Variants in TENM2 observed in about 807,000 individuals in gnomAD.
TENM2 encodes teneurin-2.
A neutral mutation model predicts 245.2 loss-of-function variants in TENM2; 52 were observed. The observed-to-expected ratio is 0.21, with a 90% CI of 0.17 to 0.27. The LOEUF (loss-of-function observed/expected upper bound fraction) is 0.27, where lower values mean the gene tolerates loss of function less well. TENM2 is among the 10% of genes least tolerant of loss of function. TENM2 has a pLI of 1.00. For synonymous variants in TENM2, 1,363 were observed against 1,438.9 expected, an observed-to-expected ratio of 0.95 and a Z score of 1.19; for missense variants, 3,046 against 3,666.8, an observed-to-expected ratio of 0.83 and a Z score of 4.37.
the TENM2 span, among the ~76,000 whole-genome samples, chr5:167,106,425 T>C: frequency 6.6e-6 from 1 of 152,138 alleles, no homozygotes. Context: ...GAAATACAGA[T>C]AGCATGTTGA....
chr5:167,620,549 C>CTTTTTTTTTTT (rs11455974), intron 2 of TENM2, among the ~76,000 whole-genome samples: 9 of 73,312 alleles, frequency 1.2e-4, no homozygotes, highest in African/African-American at 1.6e-4. Flanking sequence ...TGCTTTTTGG[C>CTTTTTTTTTTT]TTTTTTTTTT....
chr5:167,696,190 A>C (rs1757756222), intron 2 of TENM2, among the ~76,000 whole-genome samples: 1 of 152,202 alleles, frequency 6.6e-6, no homozygotes, highest in Admixed American at 6.5e-5. Flanking sequence ...TCTGCTGTCC[A>C]GGTTTGATTA....
At chr5:167,288,483 T>C (rs921042233) in intron 1 of TENM2, among the ~76,000 whole-genome samples, 9 of 146,828 alleles carry the variant, frequency 6.1e-5, no homozygotes, top group African/African-American at 1.5e-4. Flanking sequence ...GGCGTGAACC[T>C]GGGAGGCGGA....
the TENM2 span, among the ~76,000 whole-genome samples, chr5:167,146,239 A>G: frequency 4.8e-4 from 73 of 152,262 alleles, 1 homozygote; most frequent in South Asian, 0.015. Flanking sequence ...AAACCTTGCT[A>G]TCGTGAATGG....
chr5:167,109,014 G>A, the TENM2 span, among the ~76,000 whole-genome samples: 4 of 152,120 alleles, frequency 2.6e-5, no homozygotes, highest in Admixed American at 6.6e-5. Context: ...TTGTACAGAA[G>A]GGTTTTAAGG....
chr5:167,151,797 G>A, the TENM2 span, among the ~76,000 whole-genome samples: 5 of 152,160 alleles, frequency 3.3e-5, no homozygotes, highest in South Asian at 2.1e-4. Flanking sequence ...AACTATAGGC[G>A]TGAGCCACCG....
At chr5:167,315,126 AT>A (rs1756281845) in intron 1 of TENM2, among the ~76,000 whole-genome samples, 2 of 152,124 alleles carry the variant, frequency 1.3e-5, no homozygotes, top group African/African-American at 2.4e-5. Flanking sequence ...GTTTCTGGAA[AT>A]GAGATTACTA....
At chr5:167,326,059 G>A (rs753246724) in intron 1 of TENM2, among the ~76,000 whole-genome samples, 1 of 152,104 alleles carries the variant, frequency 6.6e-6, no homozygotes, top group Non-Finnish European at 1.5e-5. Context: ...AAGCTTGAAC[G>A]GTGGCCAGGA....
At chr5:168,140,859 G>T (rs1370074311) in intron 12 of TENM2, among the ~76,000 whole-genome samples, 1 of 152,106 alleles carries the variant, frequency 6.6e-6, no homozygotes, top group East Asian at 1.9e-4. Context: ...GCTACTGCAG[G>T]TTCATAGGAG....
rs527669382 is a variant in TENM2 at position 167,827,632 on chromosome 5, G to GGT, written c.503-48353_503-48352insTG. Among the ~76,000 whole-genome samples, 17 of 123,122 alleles carry GGT rather than the reference G, an allele frequency of 1.4e-4. 2 individuals are homozygous for GGT. Among genetic ancestry groups the GGT allele is most frequent in the Admixed American group, 8.1e-5 (1 of 12,300 alleles). The allele number at this position is 123,122 out of a possible 152,430, so 80.8% of individuals were successfully genotyped here. A position where few individuals can be genotyped will look rare whatever the true frequency, so the allele number is the denominator to read the frequency against. On this transcript the variant is annotated intron_variant, in intron 2 of 28. Transcript: ENST00000518659. ...TATGGCAAGGAGCTAGGTGGGCGGG[G>GGT]GGGGGGGAACAGTTTAATGAGCGTG...
At chr5:167,644,973 C>G (rs566391389) in intron 2 of TENM2, among the ~76,000 whole-genome samples, 1 of 152,300 alleles carries the variant, frequency 6.6e-6, no homozygotes, top group Admixed American at 6.5e-5. Flanking sequence ...ATAGCCTAGG[C>G]TGCACACCTG....
intron 6 of TENM2, among the ~76,000 whole-genome samples, chr5:168,048,061 G>A (rs1488455337): frequency 1.3e-5 from 2 of 152,194 alleles, no homozygotes; most frequent in Non-Finnish European, 2.9e-5. Context: ...GTGCTTTGGG[G>A]GAGAATAGAA....
the TENM2 span, among the ~76,000 whole-genome samples, chr5:167,138,295 TAAG>T: frequency 6.6e-6 from 1 of 152,206 alleles, no homozygotes; most frequent in African/African-American, 2.4e-5. Flanking sequence ...TAAAGTGTAA[TAAG>T]AAGATCATGA....
At chr5:167,367,537 G>A (rs1760133416) in intron 1 of TENM2, among the ~76,000 whole-genome samples, 1 of 152,100 alleles carries the variant, frequency 6.6e-6, no homozygotes, top group African/African-American at 2.4e-5. Flanking sequence ...GAGAGTTTAT[G>A]TGAAGACTTT....
chr5:167,448,575 GC>G (rs1217385615), intron 2 of TENM2, among the ~76,000 whole-genome samples: 1 of 150,048 alleles, frequency 6.7e-6, no homozygotes, highest in African/African-American at 2.5e-5. Context: ...GCTTAGTTCA[GC>G]TTTTTGTTAG....
intron 2 of TENM2, among the ~76,000 whole-genome samples, chr5:167,537,250 C>CAAAAAAAA (rs386405596): frequency 9.2e-6 from 1 of 108,712 alleles, no homozygotes; most frequent in African/African-American, 3.7e-5. Flanking sequence ...CCATCTCTAC[C>CAAAAAAAA]AAAAAAAAAA....
In TENM2 at chr5:167,798,610, C is replaced by T. The variant is rs559308779; in HGVS notation, c.503-77376C>T. Among the ~76,000 whole-genome samples the T allele has an allele frequency of 4.6e-5, 7 of 152,276 alleles. No homozygotes were observed. The East Asian group carries it at 7.7e-4, about 17-fold the overall frequency. ...AAGCACTCAAAGGAGTAAGACAGAG[C>T]GGGCGTAGTATTCCAACAGATCGCA... On this transcript the variant is annotated intron_variant, in intron 2 of 28. Transcript: ENST00000518659.
At chr5:167,760,949 C>T (rs897530141) in intron 2 of TENM2, among the ~76,000 whole-genome samples, 1 of 152,114 alleles carries the variant, frequency 6.6e-6, no homozygotes, top group Admixed American at 6.5e-5. Context: ...CCGCACCTGG[C>T]CTTACTGTTC....
At chr5:166,987,694 A>G in the TENM2 span, among the ~76,000 whole-genome samples, 11 of 152,068 alleles carry the variant, frequency 7.2e-5, no homozygotes, top group African/African-American at 2.4e-4. Flanking sequence ...CATTTTTAGG[A>G]TGTGCCGGTT....
Sources: gnomAD v4.1 joint callset for allele counts (sites outside exome capture counted in the v4.1 genomes callset) on GRCh38, gnomAD v4.1.1 for gene constraint, MANE v1.5 for transcripts, NCBI Gene and HGNC (gene_info 2026-07-23, HGNC 2026-07-21) for gene names.